RERE: variants seen among roughly 807,000 people sequenced by gnomAD.
RERE encodes arginine-glutamic acid dipeptide repeats, also known as arginine-glutamic acid dipeptide repeats protein.
Under a neutral mutation model 146.1 loss-of-function variants are expected in RERE, and 40 were observed. That is an observed-to-expected ratio of 0.27 (90% confidence interval 0.21 to 0.36). The LOEUF (loss-of-function observed/expected upper bound fraction) is 0.36, where lower values mean the gene tolerates loss of function less well. Ranked by LOEUF, RERE falls within the 10% of genes least tolerant of loss-of-function variation. The pLI is 1.00. For synonymous variants in RERE, 1,003 were observed against 866.0 expected (o/e 1.16, Z -2.78); for missense variants, 1,933 against 2,138.7 (o/e 0.90, Z 1.90).
rs975820128 is a variant in RERE, at chr1:8,352,667, C to A, written c.*2420G>T. 1 of 152,286 alleles carries A rather than the reference C, an allele frequency of 6.6e-6. No individual in the cohort carries two copies. The highest frequency in any genetic ancestry group is 1.5e-5 in the Non-Finnish European group (1 of 68,050). 9.4% of individuals were successfully genotyped at this position (152,286 alleles called of 1,614,324 possible). On this transcript the variant is annotated 3_prime_UTR_variant, in exon 23 of 23. Coordinates refer to ENST00000400908, the MANE Select transcript of RERE (RefSeq NM_001042681.2). ...AAGATACGGACACACACAGAGGAGCCAAACCAAACCCCGAACAAAGGGAGG... is the reference window on the plus strand; with the variant it reads ...AAGATACGGACACACACAGAGGAGCAAAACCAAACCCCGAACAAAGGGAGG...
chr1:8,700,004 T>C (rs911810567), intron 1 of RERE, among the ~76,000 whole-genome samples: 1 of 152,166 alleles, frequency 6.6e-6, no homozygotes, highest in African/African-American at 2.4e-5. Context: ...CTTTTGCTCC[T>C]TTTTAAAAAT....
chr1:8,761,293 C>A (rs972410762), intron 1 of RERE, among the ~76,000 whole-genome samples: 1 of 152,128 alleles, frequency 6.6e-6, no homozygotes, highest in Non-Finnish European at 1.5e-5. Flanking sequence ...CAATTTTATT[C>A]CACCTCGGGG....
At position 8,564,870 on chromosome 1, in the gene RERE, G is replaced by GTGTGTA. The variant is rs1269710840; in HGVS notation, c.523-7348_523-7347insTACACA. Among the ~76,000 whole-genome samples the GTGTGTA allele has an allele frequency of 7.3e-3, 926 of 127,328 alleles. 5 individuals carry two copies. Among genetic ancestry groups the GTGTGTA allele is most frequent in the Non-Finnish European group, 0.01 (615 of 61,380 alleles). The allele number at this position is 127,328 out of a possible 152,430, so 83.5% of individuals were successfully genotyped here. ...TGTGTGTGTGTGTGTGTGTGTGTGT[G>GTGTGTA]TATATATATATATAAAACTACTATT... On this transcript the variant is annotated intron_variant, in intron 4 of 22. Coordinates refer to ENST00000400908, the MANE Select transcript of RERE (RefSeq NM_001042681.2).
intron 4 of RERE, among the ~76,000 whole-genome samples, chr1:8,559,887 C>T (rs1646057831): frequency 6.6e-6 from 1 of 152,064 alleles, no homozygotes; most frequent in Admixed American, 6.6e-5. Context: ...AGGGACAAAT[C>T]GCCAGGACAT....
At chr1:8,629,957 C>T (rs988045153) in intron 2 of RERE, among the ~76,000 whole-genome samples, 4 of 152,174 alleles carry the variant, frequency 2.6e-5, no homozygotes, top group Non-Finnish European at 5.9e-5. Flanking sequence ...AGCTGGGTGG[C>T]ACAGCGGTGA....
intron 17 of RERE, 125 bp downstream of exon 17, chr1:8,361,638 G>A: frequency 7.5e-7 from 1 of 1,335,616 alleles, no homozygotes; most frequent in Non-Finnish European, 1.1e-6. Flanking sequence ...GACCCAGCCA[G>A]TGTCAAAGGC....
chr1:8,675,726 AATACATACATATATACATACATACATAC>A (rs2124383418), intron 1 of RERE, among the ~76,000 whole-genome samples: 1 of 141,682 alleles, frequency 7.1e-6, no homozygotes, highest in East Asian at 2.0e-4. Flanking sequence ...TCCGACTCAA[AATACATACATATATACATACATACATAC>A]ATACATACAT....
intron 10 of RERE, among the ~76,000 whole-genome samples, chr1:8,469,104 G>C (rs1260092419): frequency 6.6e-6 from 1 of 151,796 alleles, no homozygotes; most frequent in Non-Finnish European, 1.5e-5. Flanking sequence ...TTAGCGACAT[G>C]TGAGGATAAT....
At chr1:8,789,824 A>C (rs1266203343) in intron 1 of RERE, among the ~76,000 whole-genome samples, 1 of 152,164 alleles carries the variant, frequency 6.6e-6, no homozygotes, top group African/African-American at 2.4e-5. Flanking sequence ...TCTGCTATTC[A>C]AACAGCACCC....
chr1:8,411,876 C>T (rs1215777433), intron 12 of RERE, among the ~76,000 whole-genome samples: 1 of 152,182 alleles, frequency 6.6e-6, no homozygotes, highest in Non-Finnish European at 1.5e-5. Flanking sequence ...TATACAGATT[C>T]ATCGGGCCTA....
chr1:8,465,630 T>C (rs1474784601), intron 11 of RERE: 2 of 455,088 alleles, frequency 4.4e-6, no homozygotes, highest in South Asian at 3.6e-5. Flanking sequence ...CAAGCTAGCT[T>C]GCACCAAAAA....
intron 10 of RERE, among the ~76,000 whole-genome samples, chr1:8,493,179 G>A (rs568050736): frequency 2.0e-5 from 3 of 152,246 alleles, no homozygotes; most frequent in East Asian, 3.9e-4. Flanking sequence ...TGAATTCACA[G>A]ACATTCATAT....
chr1:8,601,681 C>T (rs116716586), intron 4 of RERE, among the ~76,000 whole-genome samples: 1,385 of 124,986 alleles, frequency 0.011, 30 homozygotes, highest in African/African-American at 0.039. Context: ...CATCTTCCTT[C>T]CATGATCCTT....
At chr1:8,682,044 T>A (rs78395508) in intron 1 of RERE, among the ~76,000 whole-genome samples, 3 of 152,184 alleles carry the variant, frequency 2.0e-5, no homozygotes, top group Non-Finnish European at 4.4e-5. Flanking sequence ...AGGGCTTATT[T>A]TGATCATAAT....
chr1:8,364,047 G>A lies in RERE; in HGVS notation c.1740+9C>T, dbSNP rs377427727. 17 of 1,613,514 alleles carry A rather than the reference G, an allele frequency of 1.1e-5. No homozygotes were observed. The highest frequency in any genetic ancestry group is 1.4e-5 in the Non-Finnish European group (17 of 1,179,560). On this transcript the variant is annotated intron_variant, in intron 15 of 22. Transcript: ENST00000400908. The surrounding 1 kb of genome is among the most constrained non-coding windows in gnomAD (Gnocchi z 5.1). ...GTTGCCAGGAGCCCCATGGCCCCAG[G>A]GGACTCACCGAGCCCCGACTCCGCC...
chr1:8,553,852 A>T (rs757392632), intron 6 of RERE, among the ~76,000 whole-genome samples: 15 of 152,236 alleles, frequency 9.9e-5, no homozygotes, highest in Non-Finnish European at 2.2e-4. Flanking sequence ...AGATGGAATT[A>T]TTTAGGATAA....
intron 1 of RERE, among the ~76,000 whole-genome samples, chr1:8,679,648 C>T (rs1467290731): frequency 2.6e-5 from 4 of 152,118 alleles, no homozygotes; most frequent in Admixed American, 6.5e-5. Flanking sequence ...ATGCAATTGT[C>T]ATGTGGGTAG....
chr1:8,564,397 G>A (rs1439583896), intron 4 of RERE, among the ~76,000 whole-genome samples: 3 of 151,996 alleles, frequency 2.0e-5, no homozygotes, highest in Non-Finnish European at 4.4e-5. Flanking sequence ...ATAGCCTGAG[G>A]GTAATTATAT....
intron 1 of RERE, among the ~76,000 whole-genome samples, chr1:8,742,864 T>C (rs1335696606): frequency 1.5e-5 from 2 of 137,438 alleles, no homozygotes; most frequent in African/African-American, 2.9e-5. Context: ...TGAGATCCTG[T>C]CTCAAAAAAA....
Sources: allele counts gnomAD v4.1 joint callset (sites outside exome capture counted in the v4.1 genomes callset), GRCh38; gene constraint gnomAD v4.1.1; non-coding constraint Gnocchi (gnomAD v3.1); transcripts MANE v1.5; gene names NCBI Gene and HGNC (gene_info 2026-07-23, HGNC 2026-07-21).